Variants in ARHGAP22 observed in about 807,000 individuals in gnomAD.
ARHGAP22 encodes the protein rho GTPase-activating protein 22.
In ARHGAP22, 48 loss-of-function variants were observed where a neutral mutation model predicts 59.1. That is an observed-to-expected ratio of 0.81 (90% CI 0.64 to 1.03). The LOEUF is 1.03. Ranked by LOEUF, ARHGAP22 falls within the 50% of genes least tolerant of loss-of-function variation. The probability of loss-of-function intolerance (pLI) is 0.00; values close to 1 mark genes in which losing one functional copy is unlikely to be tolerated. For missense variants in ARHGAP22, 1,015 were observed against 958.7 expected (o/e 1.06, Z -0.78); for synonymous variants, 445 against 416.4 (o/e 1.07, Z -0.84).
At chr10:48,513,474 A>G (rs371138374) in intron 3 of ARHGAP22, among the ~76,000 whole-genome samples, 44 of 152,336 alleles carry the variant, frequency 2.9e-4, no homozygotes, top group African/African-American at 9.9e-4. Flanking sequence ...CAACACACAA[A>G]CATACATGTG....
At chr10:48,440,473 G>A in the ARHGAP22 span, among the ~76,000 whole-genome samples, 1 of 152,162 alleles carries the variant, frequency 6.6e-6, no homozygotes, top group Non-Finnish European at 1.5e-5. Context: ...ATTGATTAGA[G>A]GAAATGAGAG....
chr10:48,442,999 G>C (rs2045237699), downstream of ARHGAP22, among the ~76,000 whole-genome samples: 1 of 152,174 alleles, frequency 6.6e-6, no homozygotes, highest in Non-Finnish European at 1.5e-5. Flanking sequence ...ATCTGGGCAG[G>C]CGGGCTCTGG....
At chr10:48,602,466 C>A (rs552462534) in intron 1 of ARHGAP22, among the ~76,000 whole-genome samples, 16 of 152,000 alleles carry the variant, frequency 1.1e-4, no homozygotes, top group African/African-American at 3.9e-4. Flanking sequence ...AGAAAAAAAA[C>A]CCACTCTAAT....
At chr10:48,562,290 C>CGT (rs1564887247) in intron 2 of ARHGAP22, among the ~76,000 whole-genome samples, 3 of 41,872 alleles carry the variant, frequency 7.2e-5, no homozygotes, top group Non-Finnish European at 1.0e-4. Flanking sequence ...TCCGCTCCTA[C>CGT]ATATACCCAA....
intron 1 of ARHGAP22, chr10:48,652,165 C>T: frequency 7.0e-7 from 1 of 1,434,186 alleles, no homozygotes; most frequent in Non-Finnish European, 9.5e-7. Context: ...TCCGGGGACC[C>T]CATCCCTCAA....
chr10:48,563,218 TA>T (rs2057814752), intron 2 of ARHGAP22, among the ~76,000 whole-genome samples: 1 of 138,720 alleles, frequency 7.2e-6, no homozygotes, highest in Non-Finnish European at 1.5e-5. Flanking sequence ...TTTTGAGACG[TA>T]TTCTTGCTCT....
chr10:48,640,870 T>G (rs1589284764), intron 1 of ARHGAP22, among the ~76,000 whole-genome samples: 1 of 152,192 alleles, frequency 6.6e-6, no homozygotes, highest in East Asian at 1.9e-4. Context: ...AAAGACATAG[T>G]ATGTATAAAG....
intron 3 of ARHGAP22, among the ~76,000 whole-genome samples, chr10:48,535,675 A>T (rs1327228027): frequency 6.6e-6 from 1 of 152,206 alleles, no homozygotes. Context: ...GGACAGTCAG[A>T]ACTTTTGGCA....
chr10:48,503,503 C>T lies in ARHGAP22; in HGVS notation c.323-23739G>A, dbSNP rs150590242. Among the ~76,000 whole-genome samples the T allele has an allele frequency of 9.0e-3, 1,375 of 152,340 alleles. 17 individuals are homozygous for T. Among genetic ancestry groups the T allele is most frequent in the African/African-American group, 0.025 (1,025 of 41,576 alleles). On this transcript the variant is annotated intron_variant, in intron 3 of 9. Transcript: ENST00000249601. Reference sequence around the variant, plus strand: ...TAATGAGGCCCCACACCTGCTGCTGCGGCTACTGCTGCTACCGTCACTGGC... The same window carrying T: ...TAATGAGGCCCCACACCTGCTGCTGTGGCTACTGCTGCTACCGTCACTGGC...
At chr10:48,441,892 GTTACT>G (rs1291365979), downstream of ARHGAP22, among the ~76,000 whole-genome samples, 1 of 152,178 alleles carries the variant, frequency 6.6e-6, no homozygotes, top group Non-Finnish European at 1.5e-5. Flanking sequence ...GCCTCTTACT[GTTACT>G]TGACAGCATC....
intron 3 of ARHGAP22, among the ~76,000 whole-genome samples, chr10:48,552,112 C>T (rs1451102399): frequency 6.6e-6 from 1 of 152,254 alleles, no homozygotes; most frequent in Non-Finnish European, 1.5e-5. Flanking sequence ...CGTTGAATTG[C>T]ACAAATAGAA....
At chr10:48,613,126 C>G (rs528653435) in intron 1 of ARHGAP22, among the ~76,000 whole-genome samples, 1 of 152,304 alleles carries the variant, frequency 6.6e-6, no homozygotes, top group East Asian at 1.9e-4. Context: ...GTGAGAGTCT[C>G]GTGCACATGT....
At chr10:48,459,924 A>G in intron 4 of ARHGAP22, 33 bp from the exon 5 acceptor site, 4 of 1,597,518 alleles carry the variant, frequency 2.5e-6, no homozygotes, top group Non-Finnish European at 3.4e-6. Flanking sequence ...CACACCCTCC[A>G]CCACCCAGCT....
At chr10:48,556,746 T>G (rs2057333501) in intron 2 of ARHGAP22, 1 of 152,234 alleles carries the variant, frequency 6.6e-6, no homozygotes. Flanking sequence ...TGTAAGTGTT[T>G]GCTAAATAAA....
intron 2 of ARHGAP22, among the ~76,000 whole-genome samples, chr10:48,563,748 G>T (rs548813295): frequency 7.9e-5 from 12 of 152,172 alleles, no homozygotes; most frequent in African/African-American, 2.9e-4. Context: ...ATAAAAACTT[G>T]CAATGTAAAT....
At chr10:48,561,027 G>T (rs1043286744) in intron 2 of ARHGAP22, among the ~76,000 whole-genome samples, 8 of 152,106 alleles carry the variant, frequency 5.3e-5, no homozygotes, top group Non-Finnish European at 7.4e-5. Context: ...ACATTGGAAA[G>T]TATGCTCATT....
intron 3 of ARHGAP22, among the ~76,000 whole-genome samples, chr10:48,483,186 C>T (rs1022564150): frequency 1.3e-5 from 2 of 152,072 alleles, no homozygotes; most frequent in Non-Finnish European, 2.9e-5. Flanking sequence ...CTGATGGACA[C>T]GTAGGTTGAT....
chr10:48,521,248 C>G (rs2053781656), intron 3 of ARHGAP22, among the ~76,000 whole-genome samples: 2 of 152,164 alleles, frequency 1.3e-5, no homozygotes, highest in South Asian at 4.1e-4. Flanking sequence ...ACCCTCCCCT[C>G]CCCGAAAAAG....
At chr10:48,524,959 G>A (rs982149793) in intron 3 of ARHGAP22, among the ~76,000 whole-genome samples, 4 of 152,340 alleles carry the variant, frequency 2.6e-5, no homozygotes, top group Non-Finnish European at 4.4e-5. Context: ...TCAATTAAAT[G>A]AGTTGATATA....
Sources: gnomAD v4.1 joint callset for allele counts (sites outside exome capture counted in the v4.1 genomes callset) on GRCh38, gnomAD v4.1.1 for gene constraint, MANE v1.5 for transcripts, NCBI Gene and HGNC (gene_info 2026-07-23, HGNC 2026-07-21) for gene names.